SKA2: variants seen among roughly 807,000 people sequenced by gnomAD.
SKA2 encodes spindle and kinetochore associated complex subunit 2, also known as spindle and kinetochore-associated protein 2.
SKA2 carries 13 observed loss-of-function variants against 16.9 expected under a neutral mutation model. That is an observed-to-expected ratio of 0.77 (90% CI 0.50 to 1.22). The LOEUF is 1.22. Among genes scored for constraint, SKA2 ranks in the 50% most tolerant of loss-of-function variants. The probability of loss-of-function intolerance (pLI) is 0.00; values close to 1 mark genes in which losing one functional copy is unlikely to be tolerated. For missense variants in SKA2, 107 were observed against 139.7 expected, an observed-to-expected ratio of 0.77 and a Z score of 1.18; for synonymous variants, 47 against 48.5, an observed-to-expected ratio of 0.97 and a Z score of 0.13.
chr17:59,117,640 A>C (rs1354967474), intron 3 of SKA2, among the ~76,000 whole-genome samples: 1 of 150,520 alleles, frequency 6.6e-6, no homozygotes, highest in African/African-American at 2.4e-5. Flanking sequence ...GTCCAGGCTA[A>C]TCTCAAACTC....
intron 3 of SKA2, among the ~76,000 whole-genome samples, 169 bp from the exon 4 acceptor site, chr17:59,112,514 A>T (rs1399975153): frequency 6.6e-6 from 1 of 152,252 alleles, no homozygotes. Flanking sequence ...CTATTTATAT[A>T]CAAGGTCCTA....
rs1053328597 is a variant in SKA2 at position 59,110,217 on chromosome 17, T to C, written c.*2060A>G. ...GTATTGAGAAGTGCATAGAGAACAA[T>C]GTTAAGGGGGCTGTGGGGAAAAAAC... On this transcript the variant is annotated 3_prime_UTR_variant, in exon 4 of 4. Coordinates refer to ENST00000330137, the MANE Select transcript of SKA2 (RefSeq NM_182620.4). 2.0e-5 allele frequency: 3 copies of C among 152,068 alleles called. No individual in the cohort carries two copies. Among genetic ancestry groups the C allele is most frequent in the Non-Finnish European group, 4.4e-5 (3 of 68,018 alleles). 9.4% of individuals were successfully genotyped at this position (152,068 alleles called of 1,614,324 possible).
intron 1 of SKA2, among the ~76,000 whole-genome samples, chr17:59,146,515 TAATAA>T (rs1166603431): frequency 6.6e-6 from 1 of 151,910 alleles, no homozygotes; most frequent in East Asian, 1.9e-4. Flanking sequence ...AATAAATAAA[TAATAA>T]AATGAGAATA....
At chr17:59,148,396 C>T (rs1224572271) in intron 1 of SKA2, among the ~76,000 whole-genome samples, 1 of 151,924 alleles carries the variant, frequency 6.6e-6, no homozygotes. Context: ...GGCAACATAA[C>T]AAGACCCCAT....
chr17:59,136,872 T>C (rs1006108801), intron 1 of SKA2, among the ~76,000 whole-genome samples: 3 of 152,230 alleles, frequency 2.0e-5, no homozygotes, highest in Non-Finnish European at 1.5e-5. Context: ...ATGTCTGCTC[T>C]GAACCCTTCA....
intron 3 of SKA2, among the ~76,000 whole-genome samples, chr17:59,113,711 AGCTACTCGGGAGG>A (rs2046278330): frequency 6.6e-6 from 1 of 152,034 alleles, no homozygotes; most frequent in Non-Finnish European, 1.5e-5. Flanking sequence ...CTGTAATCCT[AGCTACTCGGGAGG>A]TTGAGGCAGG....
At chr17:59,125,948 G>C (rs1029353380) in intron 2 of SKA2, among the ~76,000 whole-genome samples, 2 of 152,034 alleles carry the variant, frequency 1.3e-5, no homozygotes, top group Admixed American at 1.3e-4. Context: ...GAGGAGGGCG[G>C]ATCACGAGGT....
In SKA2 at chr17:59,112,270, C is replaced by T. The variant is rs2046268490; in HGVS notation, c.*7G>A. On this transcript the variant is annotated 3_prime_UTR_variant, in exon 4 of 4. Transcript: ENST00000330137. ...TCTGTTAGAATTTCCTTTCCAAGTC[C>T]ATTTCTTCATAAATCTGGCATGTGA... 1.2e-6 allele frequency: 2 copies of T among 1,606,770 alleles called. No individual in the cohort carries two copies. Among genetic ancestry groups the T allele is most frequent in the Non-Finnish European group, 1.7e-6 (2 of 1,177,216 alleles).
intron 1 of SKA2, among the ~76,000 whole-genome samples, chr17:59,140,312 C>T (rs2046478236): frequency 6.6e-6 from 1 of 151,654 alleles, no homozygotes; most frequent in African/African-American, 2.4e-5. Context: ...TCACTGGGTT[C>T]AAGCCTCCTG....
chr17:59,151,168 A>T, intron 1 of SKA2: 1 of 512,114 alleles, frequency 2.0e-6, no homozygotes, highest in South Asian at 1.4e-5. Context: ...ATACTATTGC[A>T]CTGCTAGCTG....
At chr17:59,143,280 T>G (rs2046506832) in intron 1 of SKA2, among the ~76,000 whole-genome samples, 1 of 150,604 alleles carries the variant, frequency 6.6e-6, no homozygotes, top group Non-Finnish European at 1.5e-5. Flanking sequence ...CTCAGCTCAC[T>G]GCAACCTCCA....
chr17:59,148,685 G>A (rs1338459505), intron 1 of SKA2, among the ~76,000 whole-genome samples: 1 of 151,400 alleles, frequency 6.6e-6, no homozygotes, highest in African/African-American at 2.4e-5. Context: ...GCACGTGCCT[G>A]TGGTCTCAGC....
intron 1 of SKA2, among the ~76,000 whole-genome samples, chr17:59,140,051 G>C (rs2046476285): frequency 6.6e-6 from 1 of 152,120 alleles, no homozygotes. Context: ...GCTGGAGAAA[G>C]TATTGACTAT....
chr17:59,120,931 T>TTG, intron 2 of SKA2, among the ~76,000 whole-genome samples: 3 of 151,954 alleles, frequency 2.0e-5, no homozygotes, highest in Admixed American at 2.0e-4. Context: ...GGCGGGCAGA[T>TTG]CATGAGGTCA....
At position 59,112,358 on chromosome 17, in the gene SKA2, T is replaced by C. The variant is rs1240016677; in HGVS notation, c.298-13A>G. ...TCAGTGGTGACAGCTAGAAAATAAA[T>C]GATAAAATCTTTATTTCAAAAACTT... On this transcript the variant is annotated splice_polypyrimidine_tract_variant and intron_variant, in intron 3 of 3. Coordinates refer to ENST00000330137, the MANE Select transcript of SKA2 (RefSeq NM_182620.4). The C allele has an allele frequency of 2.5e-6, 4 of 1,592,960 alleles. No individual in the cohort carries two copies. The highest frequency in any genetic ancestry group is 3.4e-6 in the Non-Finnish European group (4 of 1,169,608).
chr17:59,114,951 C>CTT (rs1293146559), intron 3 of SKA2, among the ~76,000 whole-genome samples: 3 of 152,130 alleles, frequency 2.0e-5, no homozygotes, highest in African/African-American at 7.2e-5. Context: ...TGGAAATATT[C>CTT]TTTATCAGCA....
At chr17:59,125,898 G>A (rs1433897116) in intron 2 of SKA2, among the ~76,000 whole-genome samples, 1 of 152,080 alleles carries the variant, frequency 6.6e-6, no homozygotes, top group Admixed American at 6.6e-5. Context: ...TCTGCCGGGC[G>A]TGGTGGCTCA....
At chr17:59,119,245 C>G (rs535772912) in intron 3 of SKA2, 74 bp downstream of exon 3, 6 of 1,508,262 alleles carry the variant, frequency 4.0e-6, no homozygotes, top group Non-Finnish European at 4.5e-6. Flanking sequence ...ATTTAAGTTA[C>G]ATCAGGTTTA....
chr17:59,131,172 C>T lies in SKA2; in HGVS notation c.120+109G>A, dbSNP rs923138338. The stretch of plus-strand genomic sequence containing the variant: ...ATGCAAGATTTTAAGATTCTATAAA[C>T]TTAATAATATAATTCTTATGATCTA... On this transcript the variant is annotated intron_variant, in intron 2 of 3. Coordinates refer to ENST00000330137, the MANE Select transcript of SKA2 (RefSeq NM_182620.4). 4 of 703,368 alleles carry T rather than the reference C, an allele frequency of 5.7e-6. No homozygotes were observed. The African/African-American group carries it at 7.2e-5, about 13-fold the overall frequency. 43.6% of individuals were successfully genotyped at this position (703,368 alleles called of 1,614,324 possible).
Sources: gnomAD v4.1 joint callset for allele counts (sites outside exome capture counted in the v4.1 genomes callset) on GRCh38, gnomAD v4.1.1 for gene constraint, MANE v1.5 for transcripts, NCBI Gene and HGNC (gene_info 2026-07-23, HGNC 2026-07-21) for gene names.